Variants in PHTF2 observed in about 807,000 individuals in gnomAD.
PHTF2 encodes putative homeodomain transcription factor 2, also known as protein PHTF2.
PHTF2 carries 60 observed loss-of-function variants against 101.2 expected under a neutral mutation model. That is an observed-to-expected ratio of 0.59 (90% CI 0.48 to 0.73). The LOEUF (loss-of-function observed/expected upper bound fraction) is 0.73, where lower values mean the gene tolerates loss of function less well. Among genes scored for constraint, PHTF2 ranks in the 30% least tolerant of loss-of-function variants. The probability of loss-of-function intolerance (pLI) is 0.00; values close to 1 mark genes in which losing one functional copy is unlikely to be tolerated. For synonymous variants in PHTF2, 311 were observed against 307.3 expected (o/e 1.01, Z -0.13); for missense variants, 747 against 908.7 (o/e 0.82, Z 2.29).
At chr7:77,852,741 TC>T (rs1796870390) in intron 2 of PHTF2, among the ~76,000 whole-genome samples, 1 of 152,194 alleles carries the variant, frequency 6.6e-6, no homozygotes, top group South Asian at 2.1e-4. Context: ...ATTGAAGAAC[TC>T]CCTTTAGCAT....
intron 1 of PHTF2, among the ~76,000 whole-genome samples, chr7:77,806,877 A>G (rs1793034868): frequency 1.3e-5 from 2 of 152,132 alleles, no homozygotes; most frequent in Non-Finnish European, 2.9e-5. Flanking sequence ...ACTACTTCAT[A>G]TATTTTATGA....
chr7:77,910,456 C>A, intron 9 of PHTF2, 47 bp downstream of exon 8: 3 of 1,318,966 alleles, frequency 2.3e-6, no homozygotes, highest in South Asian at 1.3e-5. Flanking sequence ...TGGCACTATC[C>A]TTTTTCTGGC....
exon 11 of PHTF2, chr7:77,922,655 T>G (rs756251181): frequency 6.2e-7 from 1 of 1,611,308 alleles, no homozygotes; most frequent in Admixed American, 1.7e-5. Context: ...ATGTCTCTGA[T>G]GAAGTCTCCA....
chr7:77,957,206 A>G (rs1807034101), exon 20 of PHTF2: 1 of 152,130 alleles, frequency 6.6e-6, no homozygotes, highest in African/African-American at 2.4e-5. Context: ...TAAGTTTAAA[A>G]TAAAACATTC....
intron 2 of PHTF2, among the ~76,000 whole-genome samples, chr7:77,848,296 A>T (rs1235485855): frequency 6.6e-6 from 1 of 152,182 alleles, no homozygotes; most frequent in Non-Finnish European, 1.5e-5. Context: ...TGTTCTCCAT[A>T]GTGGCTGTAC....
chr7:77,879,691 C>G (rs950817145), intron 3 of PHTF2, among the ~76,000 whole-genome samples: 2 of 152,118 alleles, frequency 1.3e-5, no homozygotes, highest in Admixed American at 1.3e-4. Flanking sequence ...TATCTATCAT[C>G]TATCTGCCTT....
chr7:77,957,063 T>C (rs1422950837), exon 20 of PHTF2: 1 of 152,188 alleles, frequency 6.6e-6, no homozygotes, highest in Non-Finnish European at 1.5e-5. Flanking sequence ...AAGAATACCA[T>C]GAATGTAAGA....
At chr7:77,872,440 G>A (rs1056096433) in intron 3 of PHTF2, among the ~76,000 whole-genome samples, 5 of 152,118 alleles carry the variant, frequency 3.3e-5, no homozygotes, top group African/African-American at 1.2e-4. Flanking sequence ...TTACTTCTAG[G>A]AACACTGTGA....
rs184819987 is a variant in PHTF2 at position 77,893,769 on chromosome 7, A to G, written c.204+105A>G. On this transcript the variant is annotated intron_variant, in intron 4 of 19. Coordinates refer to ENST00000416283, the Ensembl canonical transcript of PHTF2. ...ATATACTTTTAAGATATAAATTACT[A>G]TTCTATTGAAGCTTTTAAAGAAAGA... The G allele has an allele frequency of 3.6e-5, 22 of 618,410 alleles. No homozygotes were observed. In the East Asian group the frequency reaches 3.9e-4, roughly 11 times the overall value. The allele number at this position is 618,410 out of a possible 1,614,324, so 38.3% of individuals were successfully genotyped here.
At chr7:77,930,481 C>CT (rs1301039489) in intron 12 of PHTF2, among the ~76,000 whole-genome samples, 3 of 148,778 alleles carry the variant, frequency 2.0e-5, no homozygotes, top group African/African-American at 7.5e-5. Context: ...AAATTCCCCT[C>CT]TTCTTCACCT....
intron 3 of PHTF2, among the ~76,000 whole-genome samples, chr7:77,869,415 C>G (rs1005144116): frequency 2.6e-5 from 4 of 152,094 alleles, no homozygotes; most frequent in South Asian, 2.1e-4. Context: ...CTTTATCCTC[C>G]TCACTTCCCA....
chr7:77,877,953 G>T (rs141602610), intron 3 of PHTF2, among the ~76,000 whole-genome samples: 2 of 152,156 alleles, frequency 1.3e-5, no homozygotes, highest in Non-Finnish European at 2.9e-5. Flanking sequence ...GGGGGAAGGG[G>T]ATGTGCAGGA....
chr7:77,927,221 CACAA>C (rs1202210368), intron 11 of PHTF2, among the ~76,000 whole-genome samples: 7 of 127,684 alleles, frequency 5.5e-5, no homozygotes, highest in Admixed American at 2.4e-4. Flanking sequence ...CACACACACA[CACAA>C]ACACACACAT....
At chr7:77,893,778 A>G in intron 4 of PHTF2, 114 bp downstream of exon 3, 1 of 614,452 alleles carries the variant, frequency 1.6e-6, no homozygotes, top group Non-Finnish European at 2.9e-6. Flanking sequence ...TATTCTATTG[A>G]AGCTTTTAAA....
At chr7:77,893,329 G>A (rs1288391766) in intron 3 of PHTF2, among the ~76,000 whole-genome samples, 1 of 152,050 alleles carries the variant, frequency 6.6e-6, no homozygotes, top group East Asian at 1.9e-4. Context: ...TAAAACATAG[G>A]TTTTGGGGCC....
At chr7:77,914,526 C>T (rs1203298761) in intron 9 of PHTF2, among the ~76,000 whole-genome samples, 1 of 152,118 alleles carries the variant, frequency 6.6e-6, no homozygotes, top group African/African-American at 2.4e-5. Context: ...CGAGGTCCTT[C>T]CCCCTCAGCT....
chr7:77,952,303 T>G (rs1342906064), intron 18 of PHTF2, among the ~76,000 whole-genome samples: 5 of 152,158 alleles, frequency 3.3e-5, no homozygotes, highest in Non-Finnish European at 7.4e-5. Flanking sequence ...CTATAACCAA[T>G]TGAATATAAT....
chr7:77,804,926 A>G lies in PHTF2; in HGVS notation c.-36+5955A>G, dbSNP rs115809440. On this transcript the variant is annotated intron_variant, in intron 1 of 19. Transcript: ENST00000416283. Reference sequence around the variant, plus strand: ...AGAATAATTTTGTTGAAATACCAACATACTGATATCAAAATTATATCCTCA... The same window carrying G: ...AGAATAATTTTGTTGAAATACCAACGTACTGATATCAAAATTATATCCTCA... 4.3e-3 allele frequency among the ~76,000 whole-genome samples: 651 copies of G among 152,368 alleles called. 6 individuals are homozygous for G. Among genetic ancestry groups the G allele is most frequent in the African/African-American group, 0.015 (634 of 41,592 alleles).
intron 3 of PHTF2, among the ~76,000 whole-genome samples, chr7:77,887,411 A>G (rs557356256): frequency 4.9e-4 from 73 of 149,086 alleles, no homozygotes; most frequent in Non-Finnish European, 8.6e-4. Context: ...TTGCTGTTCC[A>G]TAATTATTGT....
Sources: allele counts gnomAD v4.1 joint callset (sites outside exome capture counted in the v4.1 genomes callset), GRCh38; gene constraint gnomAD v4.1.1; transcripts MANE v1.5; gene names NCBI Gene and HGNC (gene_info 2026-07-23, HGNC 2026-07-21).